RTN1: variants seen among roughly 807,000 people sequenced by gnomAD.
The protein encoded by RTN1 is reticulon 1, also known as reticulon-1.
Under a neutral mutation model 65.5 loss-of-function variants are expected in RTN1, and 25 were observed. The ratio of observed to expected loss-of-function variants is 0.38; its 90% CI spans 0.28 to 0.53. RTN1 has a LOEUF of 0.53. RTN1 is among the 20% of genes least tolerant of loss of function. RTN1 has a pLI of 0.79. For missense variants in RTN1, 983 were observed against 1,025.4 expected (o/e 0.96, Z 0.57); for synonymous variants, 471 against 447.6 (o/e 1.05, Z -0.66).
chr14:59,787,892 T>A (rs1347135433), intron 1 of RTN1, among the ~76,000 whole-genome samples: 1 of 152,208 alleles, frequency 6.6e-6, no homozygotes, highest in Admixed American at 6.5e-5. Flanking sequence ...ATTTTATGCA[T>A]ACATTAGCCT....
At chr14:59,761,735 C>A (rs574671963) in intron 1 of RTN1, among the ~76,000 whole-genome samples, 1 of 152,218 alleles carries the variant, frequency 6.6e-6, no homozygotes, top group East Asian at 1.9e-4. Context: ...CAGGACCATC[C>A]CTTGTAGAGG....
At chr14:59,730,039 T>A (rs1884866956) in intron 2 of RTN1, among the ~76,000 whole-genome samples, 1 of 152,236 alleles carries the variant, frequency 6.6e-6, no homozygotes, top group Non-Finnish European at 1.5e-5. Flanking sequence ...GGCTTTGGCA[T>A]CATTTGTCGG....
At chr14:59,762,090 C>T (rs7145014) in intron 1 of RTN1, among the ~76,000 whole-genome samples, 14,893 of 152,066 alleles carry the variant, frequency 0.098, 922 homozygotes, top group Middle Eastern at 0.15. Context: ...TGTGGCAAGA[C>T]GTGACAGGGA....
intron 1 of RTN1, among the ~76,000 whole-genome samples, chr14:59,787,649 G>T (rs547295391): frequency 6.6e-6 from 1 of 152,296 alleles, no homozygotes; most frequent in East Asian, 1.9e-4. Context: ...AGAAAATGGT[G>T]GGGACCTTGT....
chr14:59,718,857 T>C (rs1225160686), intron 3 of RTN1, among the ~76,000 whole-genome samples: 1 of 152,236 alleles, frequency 6.6e-6, no homozygotes, highest in Non-Finnish European at 1.5e-5. Flanking sequence ...TTGAGGGGTA[T>C]TGGGGATAAA....
intron 1 of RTN1, among the ~76,000 whole-genome samples, chr14:59,780,278 C>T (rs1886129466): frequency 6.6e-6 from 1 of 152,128 alleles, no homozygotes. Flanking sequence ...GGAGGGTTCT[C>T]AGGAAATACA....
At chr14:59,854,769 C>T (rs1887575325) in intron 1 of RTN1, among the ~76,000 whole-genome samples, 1 of 151,994 alleles carries the variant, frequency 6.6e-6, no homozygotes. Flanking sequence ...GGATGCTTCA[C>T]TTACTAGCTA....
At chr14:59,658,550 T>A (rs1217584648) in intron 3 of RTN1, among the ~76,000 whole-genome samples, 1 of 152,270 alleles carries the variant, frequency 6.6e-6, no homozygotes, top group East Asian at 1.9e-4. Flanking sequence ...CAGGCAGCAA[T>A]CTTTGCTGCT....
At chr14:59,773,271 C>G (rs1012031874) in intron 1 of RTN1, among the ~76,000 whole-genome samples, 1 of 151,762 alleles carries the variant, frequency 6.6e-6, no homozygotes, top group Non-Finnish European at 1.5e-5. Context: ...CAGTTAGTTA[C>G]ATTAGAAAAA....
At chr14:59,753,540 T>C (rs967360169) in intron 1 of RTN1, among the ~76,000 whole-genome samples, 1 of 152,116 alleles carries the variant, frequency 6.6e-6, no homozygotes, top group Non-Finnish European at 1.5e-5. Flanking sequence ...ATCCTCAAGG[T>C]TCTAACTTAT....
intron 1 of RTN1, among the ~76,000 whole-genome samples, chr14:59,827,338 A>G (rs1887050946): frequency 3.3e-5 from 5 of 152,066 alleles, no homozygotes; most frequent in Admixed American, 1.3e-4. Context: ...TCGGCCTCCC[A>G]AAGTGCTGAG....
chr14:59,767,850 A>G (rs1885879924), intron 1 of RTN1, among the ~76,000 whole-genome samples: 1 of 152,188 alleles, frequency 6.6e-6, no homozygotes, highest in African/African-American at 2.4e-5. Flanking sequence ...CACTTGCATA[A>G]CAGCCCTAGC....
chr14:59,668,962 C>T (rs1883440692), intron 3 of RTN1, among the ~76,000 whole-genome samples: 1 of 151,804 alleles, frequency 6.6e-6, no homozygotes, highest in Non-Finnish European at 1.5e-5. Flanking sequence ...ACAACAGATG[C>T]TGGAGAGGAT....
chr14:59,800,187 C>T (rs890550427), intron 1 of RTN1, among the ~76,000 whole-genome samples: 1 of 152,040 alleles, frequency 6.6e-6, no homozygotes, highest in African/African-American at 2.4e-5. Flanking sequence ...GAATTTGAAG[C>T]CTGTGAGGCA....
Position 59,815,721 on chromosome 14 carries a change from T to C in RTN1, c.241+54669A>G, listed in dbSNP as rs751041811. On this transcript the variant is annotated intron_variant, in intron 1 of 8. Coordinates refer to ENST00000267484, the MANE Select transcript of RTN1 (RefSeq NM_021136.3). Reference sequence around the variant, plus strand: ...AACCTTTAGGCCTTCTCCTGTCCTGTTGGAGAACTGATTTCACACTCCTCC... The same window carrying C: ...AACCTTTAGGCCTTCTCCTGTCCTGCTGGAGAACTGATTTCACACTCCTCC... Among the ~76,000 whole-genome samples, 10 of 152,300 alleles carry C rather than the reference T, an allele frequency of 6.6e-5. No individual in the cohort carries two copies. In the Middle Eastern group the frequency reaches 0.01, roughly 156 times the overall value.
chr14:59,811,507 G>C (rs1886729284), intron 1 of RTN1, among the ~76,000 whole-genome samples: 1 of 152,172 alleles, frequency 6.6e-6, no homozygotes, highest in South Asian at 2.1e-4. Flanking sequence ...TGAAATATCA[G>C]CTAATAATGG....
chr14:59,610,823 T>A (rs915954107), intron 3 of RTN1, among the ~76,000 whole-genome samples: 2 of 152,208 alleles, frequency 1.3e-5, no homozygotes, highest in Non-Finnish European at 2.9e-5. Flanking sequence ...AAACTGCTCC[T>A]AAGATCAGTG....
At chr14:59,704,059 T>C (rs543421518) in intron 3 of RTN1, among the ~76,000 whole-genome samples, 2 of 152,334 alleles carry the variant, frequency 1.3e-5, no homozygotes, top group East Asian at 3.9e-4. Flanking sequence ...CATGGAGCTC[T>C]TGAAATTATC....
At chr14:59,869,191 G>C (rs1051487433) in intron 1 of RTN1, among the ~76,000 whole-genome samples, 3 of 151,566 alleles carry the variant, frequency 2.0e-5, no homozygotes, top group African/African-American at 7.3e-5. Context: ...AGTTAATTAC[G>C]ATTACCTTAG....
Sources: allele counts gnomAD v4.1 joint callset (sites outside exome capture counted in the v4.1 genomes callset), GRCh38; gene constraint gnomAD v4.1.1; transcripts MANE v1.5; gene names NCBI Gene and HGNC (gene_info 2026-07-23, HGNC 2026-07-21).